DAPK1: variants seen among roughly 807,000 people sequenced by gnomAD.
DAPK1 encodes the protein death-associated protein kinase 1.
Under a neutral mutation model 144.9 loss-of-function variants are expected in DAPK1, and 56 were observed. That is an observed-to-expected ratio of 0.39 (90% confidence interval 0.31 to 0.48). The LOEUF (loss-of-function observed/expected upper bound fraction) is 0.48. Ranked by LOEUF, DAPK1 falls within the 20% of genes least tolerant of loss-of-function variation. The pLI is 0.95. For synonymous variants in DAPK1, 690 were observed against 749.0 expected, an observed-to-expected ratio of 0.92 and a Z score of 1.29; for missense variants, 1,454 against 1,875.4, an observed-to-expected ratio of 0.78 and a Z score of 4.15.
chr9:87,673,266 G>A lies in DAPK1; in HGVS notation c.2001+4592G>A, dbSNP rs114388145. ...GGTTGATCCAAAGCGCTGTCCTGGG[G>A]AGAGGTCTGTATCTGGGACAGCTGA... On this transcript the variant is annotated intron_variant, in intron 19 of 25. Transcript: ENST00000408954. 1.3e-3 allele frequency among the ~76,000 whole-genome samples: 205 copies of A among 152,288 alleles called. 1 individual carries two copies. Among genetic ancestry groups the A allele is most frequent in the African/African-American group, 4.5e-3 (185 of 41,548 alleles).
intron 2 of DAPK1, among the ~76,000 whole-genome samples, chr9:87,571,473 A>ACACACACACACCCC (rs377253457): frequency 5.2e-5 from 3 of 57,648 alleles, no homozygotes; most frequent in East Asian, 6.6e-4. Flanking sequence ...ACACACACAC[A>ACACACACACACCCC]CCAACACACA....
intron 2 of DAPK1, among the ~76,000 whole-genome samples, chr9:87,524,705 C>T (rs1266293479): frequency 1.3e-5 from 2 of 152,142 alleles, no homozygotes; most frequent in African/African-American, 4.8e-5. Context: ...GAATACTACT[C>T]GGCCCTAAAA....
chr9:87,668,058 C>G (rs2119272660), intron 18 of DAPK1: 1 of 153,522 alleles, frequency 6.5e-6, no homozygotes, highest in East Asian at 1.9e-4. Context: ...GTGCTGTGGA[C>G]TCTTATTTCC....
intron 3 of DAPK1, among the ~76,000 whole-genome samples, chr9:87,617,861 C>T (rs1400866088): frequency 6.6e-6 from 1 of 152,196 alleles, no homozygotes; most frequent in Non-Finnish European, 1.5e-5. Context: ...GCTTCTCTAG[C>T]TCAGTCCATG....
At chr9:87,676,352 T>TTCCC in intron 19 of DAPK1, among the ~76,000 whole-genome samples, 1 of 152,226 alleles carries the variant, frequency 6.6e-6, no homozygotes, top group Non-Finnish European at 1.5e-5. Context: ...GATAGATCAT[T>TTCCC]ACGTGGATGA....
In DAPK1 at chr9:87,510,555, C is replaced by T. The variant is rs888360594; in HGVS notation, c.62+11416C>T. 2.0e-5 allele frequency among the ~76,000 whole-genome samples: 3 copies of T among 152,322 alleles called. 1 individual carries two copies. Among genetic ancestry groups the T allele is most frequent in the Middle Eastern group, 6.8e-3 (2 of 294 alleles). On this transcript the variant is annotated intron_variant, in intron 2 of 25. Transcript: ENST00000408954. Reference sequence around the variant, plus strand: ...TCACGATTTGGAGTAGATAACTGGCCACTTGGCATTCTTATTACAGGGGAC... The same window carrying T: ...TCACGATTTGGAGTAGATAACTGGCTACTTGGCATTCTTATTACAGGGGAC...
At position 87,650,076 on chromosome 9, in the gene DAPK1, G is replaced by A. The variant is rs1355989009; in HGVS notation, c.1584G>A (p.Glu528=). 3 of 1,614,158 alleles carry A rather than the reference G, an allele frequency of 1.9e-6. No homozygotes were observed. The highest frequency in any genetic ancestry group is 3.3e-5 in the Admixed American group (2 of 60,028). Reference sequence around the variant, plus strand: ...CCAGGGGCTACCACGACATCGTGGAGTGTCTGGCCGAACATGGAGCCGACC... The same window carrying A: ...CCAGGGGCTACCACGACATCGTGGAATGTCTGGCCGAACATGGAGCCGACC... The part of the protein sequence containing the change: ...ASARGYHDIV[E]CLAEHGADLN... The change falls in exon 16 of 26, where the codon GAG becomes GAA. Residue 528 remains glutamate (E), a synonymous_variant. Coordinates refer to ENST00000408954, the MANE Select transcript of DAPK1 (RefSeq NM_004938.4).
rs191183705 is a variant in DAPK1, at chr9:87,511,764, G to A, written c.62+12625G>A. ...CTCACTCTGTCACCCGGCCTGGAGT[G>A]CAGTGGCGCGATCTCGGCTCACTGC... On this transcript the variant is annotated intron_variant, in intron 2 of 25. Transcript: ENST00000408954. Among the ~76,000 whole-genome samples the A allele has an allele frequency of 1.5e-3, 224 of 151,274 alleles. 2 individuals are homozygous for A. Among genetic ancestry groups the A allele is most frequent in the Non-Finnish European group, 2.7e-3 (182 of 67,854 alleles).
intron 2 of DAPK1, among the ~76,000 whole-genome samples, chr9:87,534,648 T>TAC (rs1478144423): frequency 3.8e-5 from 5 of 131,944 alleles, no homozygotes; most frequent in African/African-American, 5.4e-5. Context: ...TTGATTTCTT[T>TAC]TCTTTTTTTT....
intron 18 of DAPK1, chr9:87,668,333 C>A (rs1370672857): frequency 1.5e-5 from 7 of 457,010 alleles, no homozygotes; most frequent in Non-Finnish European, 4.0e-6. Flanking sequence ...TGTGATTAAA[C>A]CTGTGGACCT....
At position 87,647,361 on chromosome 9, in the gene DAPK1, A is replaced by C. The variant is rs751249285; in HGVS notation, c.1287A>C (p.Lys429Asn). The C allele has an allele frequency of 6.2e-7, 1 of 1,614,176 alleles. No individual in the cohort carries two copies. The highest frequency in any genetic ancestry group is 8.5e-7 in the Non-Finnish European group (1 of 1,180,030). Residue 429 changes from lysine to asparagine, a missense_variant, in exon 14 of 26, where the codon AAA becomes AAC. Physicochemically the swap from Lys to Asn is moderately conservative, Grantham distance 94 (BLOSUM62 0). This residue lies in a region of DAPK1 where 429 missense variants were observed against 637.5 expected (regional missense o/e 0.67). Transcript: ENST00000408954. ...AARHGHVDTL[K>N]FLSENKCPLD... ...GGCATGGCCACGTCGATACCTTGAAATTTCTCAGTGAGAACAAATGCCCTT... is the reference window on the plus strand; with the variant it reads ...GGCATGGCCACGTCGATACCTTGAACTTTCTCAGTGAGAACAAATGCCCTT...
intron 3 of DAPK1, among the ~76,000 whole-genome samples, chr9:87,616,702 G>T (rs149285995): frequency 1.5e-3 from 225 of 152,198 alleles, no homozygotes; most frequent in African/African-American, 5.1e-3. Context: ...ATCACCCTTG[G>T]GCCTGAAAAG....
At chr9:87,523,544 C>A (rs1825379846) in intron 2 of DAPK1, among the ~76,000 whole-genome samples, 1 of 152,188 alleles carries the variant, frequency 6.6e-6, no homozygotes, top group Admixed American at 6.5e-5. Flanking sequence ...CAGCGATCTG[C>A]CTACCTTGAC....
At chr9:87,645,801 C>A in intron 11 of DAPK1, 94 bp from the exon 12 acceptor site, 1 of 1,489,562 alleles carries the variant, frequency 6.7e-7, no homozygotes, top group Non-Finnish European at 9.1e-7. Flanking sequence ...TCTGAATGCC[C>A]CTGTTAACAA....
intron 2 of DAPK1, among the ~76,000 whole-genome samples, chr9:87,599,479 C>T (rs757835726): frequency 1.3e-5 from 2 of 152,070 alleles, no homozygotes; most frequent in East Asian, 1.9e-4. Flanking sequence ...TTTCGCCGTG[C>T]GTTTCCTCTT....
intron 3 of DAPK1, among the ~76,000 whole-genome samples, chr9:87,621,171 G>T (rs36209076): frequency 0.012 from 1,758 of 152,286 alleles, 29 homozygotes; most frequent in African/African-American, 0.039. Context: ...TTCCTACCCT[G>T]GGACAGCATG....
intron 2 of DAPK1, among the ~76,000 whole-genome samples, chr9:87,525,695 C>T (rs1825481743): frequency 1.3e-5 from 2 of 152,138 alleles, no homozygotes; most frequent in Non-Finnish European, 2.9e-5. Flanking sequence ...ATGTTTTCCT[C>T]TCTCTTCCCA....
intron 17 of DAPK1, among the ~76,000 whole-genome samples, chr9:87,652,304 G>C (rs200857229): frequency 0.11 from 9,475 of 84,080 alleles, 38 homozygotes; most frequent in East Asian, 0.24. Context: ...CCTCCCACCT[G>C]ATCCCAGGTC....
At chr9:87,524,043 C>T (rs932002358) in intron 2 of DAPK1, among the ~76,000 whole-genome samples, 5 of 152,190 alleles carry the variant, frequency 3.3e-5, no homozygotes, top group East Asian at 1.9e-4. Context: ...CTCTACTCAG[C>T]GAGGTGGATG....
Sources: gnomAD v4.1 joint callset for allele counts (sites outside exome capture counted in the v4.1 genomes callset) on GRCh38, gnomAD v4.1.1 for gene constraint, gnomAD v4.1.1 regional missense constraint, MANE v1.5 for transcripts, NCBI Gene and HGNC (gene_info 2026-07-23, HGNC 2026-07-21) for gene names.